The following TMEM165 variants were observed in gnomAD, a reference collection of about 807,000 sequenced individuals.
TMEM165 encodes transmembrane protein 165.
In TMEM165, 19 loss-of-function variants were observed where a neutral mutation model predicts 30.0. That is an observed-to-expected ratio of 0.63 (90% CI 0.44 to 0.93). The LOEUF (loss-of-function observed/expected upper bound fraction) is 0.93, where lower values mean the gene tolerates loss of function less well. Ranked by LOEUF, TMEM165 falls within the 40% of genes least tolerant of loss-of-function variation. The probability of loss-of-function intolerance (pLI) is 0.00; values close to 1 mark genes in which losing one functional copy is unlikely to be tolerated. For missense variants in TMEM165, 340 were observed against 417.0 expected (o/e 0.82, Z 1.61); for synonymous variants, 168 against 162.9 (o/e 1.03, Z -0.24).
chr4:55,400,547 C>T (rs752857597), intron 1 of TMEM165, among the ~76,000 whole-genome samples: 9 of 148,426 alleles, frequency 6.1e-5, no homozygotes, highest in Non-Finnish European at 8.9e-5. Context: ...ACGCCATTCT[C>T]CTGCCTCAGC....
At chr4:55,432,350 C>G (rs1407363934) in intron 3 of TMEM165, 1 of 151,968 alleles carries the variant, frequency 6.6e-6, no homozygotes, top group Non-Finnish European at 1.5e-5. Context: ...ATGATAACTG[C>G]AAGTCCAAAG....
chr4:55,422,487 A>G (rs1428639053), intron 4 of TMEM165, among the ~76,000 whole-genome samples: 1 of 151,990 alleles, frequency 6.6e-6, no homozygotes, highest in Non-Finnish European at 1.5e-5. Flanking sequence ...CAAACTCCCA[A>G]CCTCAGGTGA....
chr4:55,452,853 A>G (rs4864995), exon 4 of TMEM165: 174,039 of 466,296 alleles, frequency 0.37, 34,701 homozygotes, highest in East Asian at 0.61. Context: ...GATCAGACAC[A>G]TCTCTCATCC....
chr4:55,408,922 C>CT (rs35089311), intron 1 of TMEM165, among the ~76,000 whole-genome samples: 98,020 of 142,786 alleles, frequency 0.69, 34,746 homozygotes, highest in East Asian at 0.96. Flanking sequence ...TTGAAATGCC[C>CT]TTTTTTTTTT....
At chr4:55,449,179 A>T (rs1416176424) in intron 3 of TMEM165, among the ~76,000 whole-genome samples, 11 of 152,200 alleles carry the variant, frequency 7.2e-5, no homozygotes, top group African/African-American at 2.7e-4. Context: ...ATTAAAAAAA[A>T]AAAAACTAAC....
chr4:55,408,921 C>CT (rs1721378008), intron 1 of TMEM165, among the ~76,000 whole-genome samples: 3 of 83,382 alleles, frequency 3.6e-5, no homozygotes, highest in Non-Finnish European at 8.4e-5. Flanking sequence ...TTTGAAATGC[C>CT]CTTTTTTTTT....
intron 1 of TMEM165, among the ~76,000 whole-genome samples, chr4:55,404,718 A>C (rs1721202351): frequency 2.0e-5 from 3 of 152,190 alleles, no homozygotes; most frequent in South Asian, 4.1e-4. Flanking sequence ...GATTATAGGC[A>C]TGAGCCACCA....
intron 3 of TMEM165, among the ~76,000 whole-genome samples, chr4:55,450,695 G>A (rs1214002664): frequency 6.6e-6 from 1 of 152,060 alleles, no homozygotes; most frequent in African/African-American, 2.4e-5. Flanking sequence ...CCTGAACTGA[G>A]GAGGCGGAGG....
downstream of TMEM165, chr4:55,430,768 A>G (rs748162607): frequency 1.1e-4 from 17 of 152,162 alleles, no homozygotes; most frequent in Non-Finnish European, 1.9e-4. Context: ...CTGTACATCT[A>G]CTCACACGGA....
intron 1 of TMEM165, chr4:55,403,102 T>C (rs1721102058): frequency 7.1e-6 from 3 of 421,022 alleles, no homozygotes; most frequent in South Asian, 7.0e-5. Flanking sequence ...TAAAAAAAGC[T>C]TTTTTGACTT....
chr4:55,451,342 CTCTTG>C (rs1181078335), intron 3 of TMEM165, among the ~76,000 whole-genome samples: 2 of 152,176 alleles, frequency 1.3e-5, no homozygotes, highest in Non-Finnish European at 2.9e-5. Flanking sequence ...CTCACTGATA[CTCTTG>C]TCTTCTAAGT....
intron 3 of TMEM165, among the ~76,000 whole-genome samples, chr4:55,445,992 G>C (rs1723808921): frequency 2.0e-5 from 3 of 151,604 alleles, no homozygotes; most frequent in Non-Finnish European, 4.4e-5. Context: ...CAAATTTCTG[G>C]TATGCTTCTG....
At chr4:55,408,489 G>T (rs764824536) in intron 1 of TMEM165, among the ~76,000 whole-genome samples, 10 of 152,126 alleles carry the variant, frequency 6.6e-5, no homozygotes, top group Non-Finnish European at 1.5e-4. Context: ...ACTGTAGGCA[G>T]TTGTAACATT....
At chr4:55,445,582 C>CTTTTTTTGTTTTTTTTTTTTTT (rs1723748891) in intron 3 of TMEM165, among the ~76,000 whole-genome samples, 1 of 68,574 alleles carries the variant, frequency 1.5e-5, no homozygotes, top group Non-Finnish European at 2.7e-5. Flanking sequence ...TTTCTATATT[C>CTTTTTTTGTTTTTTTTTTTTTT]TTTTTTTTTT....
At chr4:55,450,007 G>C in intron 3 of TMEM165, 1 of 1,490,204 alleles carries the variant, frequency 6.7e-7, no homozygotes, top group East Asian at 2.3e-5. Flanking sequence ...TTAAAGAAGC[G>C]TTTGATGAGA....
Position 55,419,239 on chromosome 4 carries a change from A to T in TMEM165, c.792+1254A>T, listed in dbSNP as rs75952407. On this transcript the variant is annotated intron_variant, in intron 4 of 5. Coordinates refer to ENST00000381334, the MANE Select transcript of TMEM165 (RefSeq NM_018475.5). The stretch of plus-strand genomic sequence containing the variant: ...CCCCTGGCCTGAAACTTCCTGCCTC[A>T]GCCTCGCAAATAATCCTTCTGGGAT... Among the ~76,000 whole-genome samples, 8 of 152,290 alleles carry T rather than the reference A, an allele frequency of 5.3e-5. No homozygotes were observed. In the East Asian group the frequency reaches 1.5e-3, roughly 29 times the overall value.
intron 3 of TMEM165, among the ~76,000 whole-genome samples, chr4:55,436,730 GATACTTA>G (rs1419367873): frequency 2.5e-4 from 38 of 152,202 alleles, no homozygotes; most frequent in African/African-American, 9.2e-4. Context: ...GCAAAGACTT[GATACTTA>G]TGAGCCTTAT....
downstream of TMEM165, chr4:55,428,277 T>A (rs1170439015): frequency 2.0e-5 from 3 of 152,128 alleles, no homozygotes; most frequent in Non-Finnish European, 4.4e-5. Context: ...ATTTTGACTT[T>A]CTCCTCAAAG....
intron 4 of TMEM165, 50 bp from the exon 5 acceptor site, chr4:55,424,488 C>A: frequency 9.1e-7 from 1 of 1,094,764 alleles, no homozygotes; most frequent in Non-Finnish European, 1.4e-6. Flanking sequence ...GGTTCTCAAG[C>A]AGCAGTTGTC....
Sources: allele counts gnomAD v4.1 joint callset (sites outside exome capture counted in the v4.1 genomes callset), GRCh38; gene constraint gnomAD v4.1.1; transcripts MANE v1.5; gene names NCBI Gene and HGNC (gene_info 2026-07-23, HGNC 2026-07-21).